The following NRXN3 variants were observed in gnomAD, a reference collection of about 807,000 sequenced individuals.
The protein encoded by NRXN3 is neurexin III.
A neutral mutation model predicts 137.6 loss-of-function variants in NRXN3; 32 were observed. That is an observed-to-expected ratio of 0.23 (90% CI 0.18 to 0.31). The LOEUF (loss-of-function observed/expected upper bound fraction) is 0.31. Among genes scored for constraint, NRXN3 ranks in the 10% least tolerant of loss-of-function variants. The pLI is 1.00. For missense variants in NRXN3, 1,574 were observed against 2,062.5 expected, an observed-to-expected ratio of 0.76 and a Z score of 4.59; for synonymous variants, 798 against 784.5, an observed-to-expected ratio of 1.02 and a Z score of -0.29.
At chr14:79,730,805 A>ACAGTGAACAATCATCCCC in intron 19 of NRXN3, among the ~76,000 whole-genome samples, 1 of 152,194 alleles carries the variant, frequency 6.6e-6, no homozygotes, top group South Asian at 2.1e-4. Context: ...GTTTTTCAGC[A>ACAGTGAACAATCATCCCC]CAGTGAACAA....
chr14:79,435,897 G>C (rs1001878251), intron 15 of NRXN3, among the ~76,000 whole-genome samples: 1 of 152,092 alleles, frequency 6.6e-6, no homozygotes, highest in Admixed American at 6.6e-5. Context: ...GCCTCCCAAA[G>C]TGCTAGGATT....
At chr14:78,298,110 C>T (rs994710145) in intron 4 of NRXN3, among the ~76,000 whole-genome samples, 1 of 152,212 alleles carries the variant, frequency 6.6e-6, no homozygotes, top group Non-Finnish European at 1.5e-5. Flanking sequence ...TGGGCGCTGG[C>T]CCTGCTGGGC....
chr14:79,397,937 T>C (rs1036018248), intron 15 of NRXN3, among the ~76,000 whole-genome samples: 7 of 152,222 alleles, frequency 4.6e-5, no homozygotes, highest in Admixed American at 1.3e-4. Flanking sequence ...TTAATGAGGT[T>C]CTGTGCCTGG....
At chr14:78,399,988 AT>A (rs2091898531) in intron 4 of NRXN3, among the ~76,000 whole-genome samples, 1 of 152,224 alleles carries the variant, frequency 6.6e-6, no homozygotes, top group African/African-American at 2.4e-5. Flanking sequence ...TACATTTACT[AT>A]TCTTTGTTTT....
chr14:78,547,070 A>T (rs1354728137), intron 4 of NRXN3, among the ~76,000 whole-genome samples: 1 of 152,154 alleles, frequency 6.6e-6, no homozygotes, highest in Admixed American at 6.5e-5. Context: ...TCTCACATAT[A>T]CCAGAGTTTA....
At chr14:79,759,588 T>C (rs1428577435) in intron 19 of NRXN3, among the ~76,000 whole-genome samples, 31 of 151,746 alleles carry the variant, frequency 2.0e-4, no homozygotes, top group Admixed American at 2.0e-3. Flanking sequence ...CTTTATTATG[T>C]GACATTCAAA....
At chr14:78,338,335 G>A (rs971749678) in intron 4 of NRXN3, among the ~76,000 whole-genome samples, 12 of 152,234 alleles carry the variant, frequency 7.9e-5, no homozygotes, top group African/African-American at 2.7e-4. Context: ...GATGGACAGT[G>A]CAGAATGGTA....
intron 15 of NRXN3, among the ~76,000 whole-genome samples, chr14:79,343,032 T>C (rs1033332894): frequency 1.3e-5 from 2 of 152,158 alleles, no homozygotes; most frequent in African/African-American, 4.8e-5. Context: ...GTTTTCTTAA[T>C]GTCTGCTGTT....
At chr14:78,222,333 TACACACACACACACAC>T (rs72352115) in intron 1 of NRXN3, among the ~76,000 whole-genome samples, 2 of 148,444 alleles carry the variant, frequency 1.3e-5, no homozygotes, top group African/African-American at 4.9e-5. Context: ...CACACACACA[TACACACACACACACAC>T]ACACACAGCT....
At chr14:79,555,768 A>G (rs2097423220) in intron 16 of NRXN3, among the ~76,000 whole-genome samples, 1 of 152,152 alleles carries the variant, frequency 6.6e-6, no homozygotes, top group Admixed American at 6.6e-5. Flanking sequence ...AGCTAGTGCT[A>G]TTTCATTGTT....
At chr14:78,326,513 G>A (rs76180147) in intron 4 of NRXN3, among the ~76,000 whole-genome samples, 7,539 of 152,234 alleles carry the variant, frequency 0.05, 245 homozygotes, top group Middle Eastern at 0.071. Context: ...GGGACTGTGA[G>A]GGAGTCACGC....
In NRXN3 at chr14:79,848,938, C is replaced by A. The variant is rs151166428; in HGVS notation, c.4094-12404C>A. On this transcript the variant is annotated intron_variant, in intron 20 of 20. Transcript: ENST00000335750. The stretch of plus-strand genomic sequence containing the variant: ...TGGGTTCAGAAGAGCTAAAACAGAA[C>A]TTTGGATTCCCCAAACTTGCATGTC... 2.6e-5 allele frequency among the ~76,000 whole-genome samples: 4 copies of A among 152,284 alleles called. No homozygotes were observed. In the East Asian group the frequency reaches 5.8e-4, roughly 22 times the overall value.
intron 16 of NRXN3, among the ~76,000 whole-genome samples, chr14:79,470,552 T>G (rs1353972976): frequency 3.3e-5 from 5 of 152,128 alleles, no homozygotes; most frequent in African/African-American, 2.4e-5. Flanking sequence ...CTCCCAACAC[T>G]GTGGCATCGG....
intron 8 of NRXN3, among the ~76,000 whole-genome samples, chr14:78,718,104 A>G (rs2098442573): frequency 6.6e-6 from 1 of 152,182 alleles, no homozygotes; most frequent in African/African-American, 2.4e-5. Flanking sequence ...ATTCACCATA[A>G]CAACATCAAC....
At chr14:79,676,543 A>G (rs893993200) in intron 17 of NRXN3, among the ~76,000 whole-genome samples, 2 of 152,020 alleles carry the variant, frequency 1.3e-5, no homozygotes, top group Admixed American at 1.3e-4. Flanking sequence ...GTATTATTAT[A>G]TATTGATAAT....
intron 7 of NRXN3, among the ~76,000 whole-genome samples, chr14:78,711,141 G>A (rs1323808016): frequency 6.6e-6 from 1 of 151,894 alleles, no homozygotes; most frequent in Non-Finnish European, 1.5e-5. Context: ...GCATGTGTTT[G>A]GGATCTCTGA....
At chr14:79,285,687 G>A (rs1305368244) in intron 15 of NRXN3, among the ~76,000 whole-genome samples, 1 of 152,090 alleles carries the variant, frequency 6.6e-6, no homozygotes, top group Non-Finnish European at 1.5e-5. Context: ...ACATCCATCA[G>A]ATTGGATTAG....
In NRXN3 at chr14:78,170,465, G is replaced by C. The variant is rs1437638002; in HGVS notation, c.-913G>C. ...ACCTGTCCTCCCCTCTCTCAGCCTC[G>C]GCATCTCCAGCCACCAAGGACCTGC... On this transcript the variant is annotated 5_prime_UTR_variant, in exon 1 of 21. Coordinates refer to ENST00000335750, the MANE Select transcript of NRXN3 (RefSeq NM_001330195.2). The C allele has an allele frequency of 6.6e-6, 1 of 152,074 alleles. No individual in the cohort carries two copies. Among genetic ancestry groups the C allele is most frequent in the East Asian group, 1.9e-4 (1 of 5,166 alleles). 9.4% of individuals were successfully genotyped at this position (152,074 alleles called of 1,614,324 possible). A position where few individuals can be genotyped will look rare whatever the true frequency, so the allele number is the denominator to read the frequency against.
chr14:78,971,705 G>A (rs531935046), intron 14 of NRXN3, among the ~76,000 whole-genome samples: 6 of 152,090 alleles, frequency 3.9e-5, no homozygotes, highest in Admixed American at 3.3e-4. Flanking sequence ...GCGTGATCTC[G>A]GCTCACTGCA....
Sources: gnomAD v4.1 joint callset for allele counts (sites outside exome capture counted in the v4.1 genomes callset) on GRCh38, gnomAD v4.1.1 for gene constraint, MANE v1.5 for transcripts, NCBI Gene and HGNC (gene_info 2026-07-23, HGNC 2026-07-21) for gene names.